The following COBL variants were observed in gnomAD, a reference collection of about 807,000 sequenced individuals.
The protein encoded by COBL is cordon-bleu WH2 repeat protein, also known as protein cordon-bleu.
COBL carries 51 observed loss-of-function variants against 98.8 expected under a neutral mutation model. The ratio of observed to expected loss-of-function variants is 0.52; its 90% CI spans 0.41 to 0.65. The LOEUF (loss-of-function observed/expected upper bound fraction) is 0.65, where lower values mean the gene tolerates loss of function less well. Ranked by LOEUF, COBL falls within the 30% of genes least tolerant of loss-of-function variation. The pLI is 0.00. For missense variants in COBL, 1,617 were observed against 1,617.5 expected (o/e 1.00, Z 0.01); for synonymous variants, 634 against 651.7 (o/e 0.97, Z 0.41).
chr7:51,020,583 C>T (rs76305611), intron 12 of COBL, among the ~76,000 whole-genome samples: 4,935 of 152,282 alleles, frequency 0.032, 283 homozygotes, highest in African/African-American at 0.11. Context: ...TAAAACAGAT[C>T]GACAAAGACA....
intron 5 of COBL, among the ~76,000 whole-genome samples, chr7:51,175,495 T>C (rs1316662333): frequency 1.3e-5 from 2 of 152,214 alleles, no homozygotes; most frequent in African/African-American, 2.4e-5. Context: ...TTAACATGCA[T>C]TGTATTAGCT....
intron 5 of COBL, among the ~76,000 whole-genome samples, chr7:51,159,213 A>C (rs925619465): frequency 1.2e-4 from 18 of 152,018 alleles, no homozygotes; most frequent in African/African-American, 3.6e-4. Flanking sequence ...GGTGGGGAGG[A>C]GGCTTTGGAG....
chr7:51,081,014 G>A (rs2128934550), intron 7 of COBL, among the ~76,000 whole-genome samples: 1 of 152,336 alleles, frequency 6.6e-6, no homozygotes, highest in Middle Eastern at 3.4e-3. Flanking sequence ...ACAATGGGCA[G>A]GCTGGTTCTG....
intron 2 of COBL, among the ~76,000 whole-genome samples, chr7:51,209,266 A>G (rs532472732): frequency 6.6e-6 from 1 of 152,110 alleles, no homozygotes; most frequent in South Asian, 2.1e-4. Context: ...TCTCATTGAT[A>G]CAAACAACGC....
intron 5 of COBL, among the ~76,000 whole-genome samples, chr7:51,177,778 AT>A (rs1451523038): frequency 0.018 from 371 of 20,472 alleles, 5 homozygotes; most frequent in African/African-American, 0.041. Context: ...TCTCAAAAAA[AT>A]AAATAAATAA....
At chr7:51,036,943 T>C (rs2128880854) in intron 8 of COBL, among the ~76,000 whole-genome samples, 1 of 152,326 alleles carries the variant, frequency 6.6e-6, no homozygotes, top group South Asian at 2.1e-4. Flanking sequence ...AGATATTGCC[T>C]GGTTATAGCA....
chr7:51,179,149 A>G (rs56217063), intron 5 of COBL, among the ~76,000 whole-genome samples: 15,087 of 152,214 alleles, frequency 0.099, 976 homozygotes, highest in African/African-American at 0.18. Context: ...GGAACTCCAA[A>G]AGCGGCATAT....
At chr7:51,018,721 C>A (rs1308861652) in intron 12 of COBL, among the ~76,000 whole-genome samples, 1 of 150,590 alleles carries the variant, frequency 6.6e-6, no homozygotes, top group African/African-American at 2.4e-5. Context: ...GGAGAAATCC[C>A]GTCTCTACTA....
At chr7:51,267,265 T>C (rs1798302543) in intron 1 of COBL, among the ~76,000 whole-genome samples, 2 of 152,182 alleles carry the variant, frequency 1.3e-5, no homozygotes, top group Admixed American at 6.5e-5. Flanking sequence ...AAAAACTTTA[T>C]GAAAGATTTT....
At chr7:51,090,932 A>G (rs1324429962) in intron 6 of COBL, among the ~76,000 whole-genome samples, 2 of 152,252 alleles carry the variant, frequency 1.3e-5, no homozygotes, top group Non-Finnish European at 2.9e-5. Context: ...ACAAGCTCAT[A>G]AAGAAGAAAT....
chr7:51,191,595 A>G (rs1790123580), intron 3 of COBL, among the ~76,000 whole-genome samples: 1 of 151,452 alleles, frequency 6.6e-6, no homozygotes, highest in Non-Finnish European at 1.5e-5. Flanking sequence ...ATATACACAC[A>G]TATATGAAAC....
Position 51,025,117 on chromosome 7 carries a change from G to A in COBL, c.3760C>T (p.Leu1254=), listed in dbSNP as rs1477531985. ...CACACAGTCGCCATCACCTTTCTCAGTCTCGCAGCCCCTGTGCCGGAGCGG... is the reference window on the plus strand; with the variant it reads ...CACACAGTCGCCATCACCTTTCTCAATCTCGCAGCCCCTGTGCCGGAGCGG... ...AIRSGTGAAR[L]RKVPLLV Residue 1254 remains leucine, a synonymous_variant, in exon 12 of 13, where the codon CTG becomes TTG. Transcript: ENST00000265136. 1.2e-6 allele frequency: 2 copies of A among 1,611,808 alleles called. No individual in the cohort carries two copies. The highest frequency in any genetic ancestry group is 1.7e-6 in the Non-Finnish European group (2 of 1,179,866).
chr7:51,054,740 G>A (rs946304353), intron 7 of COBL, among the ~76,000 whole-genome samples: 1 of 152,130 alleles, frequency 6.6e-6, no homozygotes, highest in Non-Finnish European at 1.5e-5. Flanking sequence ...CTCATTTTCT[G>A]TGCAACACAA....
chr7:51,090,138 G>C (rs1210834706), intron 6 of COBL, among the ~76,000 whole-genome samples: 1 of 152,010 alleles, frequency 6.6e-6, no homozygotes, highest in East Asian at 1.9e-4. Flanking sequence ...GAAGAGACAA[G>C]ATCCTAAAAT....
chr7:51,269,489 G>A (rs1430318799), intron 1 of COBL, among the ~76,000 whole-genome samples: 6 of 152,230 alleles, frequency 3.9e-5, no homozygotes, highest in Non-Finnish European at 8.8e-5. Flanking sequence ...CGGGCACTAG[G>A]CAGGTCTGGG....
At chr7:51,201,897 A>T (rs184186111) in intron 2 of COBL, among the ~76,000 whole-genome samples, 2 of 152,244 alleles carry the variant, frequency 1.3e-5, no homozygotes, top group African/African-American at 4.8e-5. Flanking sequence ...AAAATTTCAT[A>T]AATGAACAAC....
chr7:51,268,008 A>G (rs1798382657), intron 1 of COBL, among the ~76,000 whole-genome samples: 1 of 152,172 alleles, frequency 6.6e-6, no homozygotes, highest in Non-Finnish European at 1.5e-5. Context: ...CTATTACTTT[A>G]TCAAGTGGAA....
At chr7:51,299,866 T>C (rs942988201) in intron 1 of COBL, among the ~76,000 whole-genome samples, 3 of 152,160 alleles carry the variant, frequency 2.0e-5, no homozygotes, top group Non-Finnish European at 4.4e-5. Context: ...TGTACCCTAC[T>C]TGAGGCACCA....
chr7:51,226,670 TGCCCA>T (rs929061622), intron 1 of COBL, among the ~76,000 whole-genome samples: 1 of 152,100 alleles, frequency 6.6e-6, no homozygotes, highest in African/African-American at 2.4e-5. Context: ...CAGAAACAAA[TGCCCA>T]GAAGACAGCT....
Sources: allele counts gnomAD v4.1 joint callset (sites outside exome capture counted in the v4.1 genomes callset), GRCh38; gene constraint gnomAD v4.1.1; transcripts MANE v1.5; gene names NCBI Gene and HGNC (gene_info 2026-07-23, HGNC 2026-07-21).